Variants in LINGO2 observed in about 807,000 individuals in gnomAD.
The protein encoded by LINGO2 is leucine-rich repeat and immunoglobulin-like domain-containing nogo receptor-interacting protein 2.
In LINGO2, 14 loss-of-function variants were observed where a neutral mutation model predicts 30.6. The ratio of observed to expected loss-of-function variants is 0.46; its 90% confidence interval spans 0.30 to 0.72. LINGO2 has a LOEUF of 0.72. LINGO2 is among the 30% of genes least tolerant of loss of function. The pLI is 0.07. For missense variants in LINGO2, 729 were observed against 751.7 expected, an observed-to-expected ratio of 0.97 and a Z score of 0.35; for synonymous variants, 317 against 288.5, an observed-to-expected ratio of 1.10 and a Z score of -1.00.
intron 4 of LINGO2, among the ~76,000 whole-genome samples, chr9:28,211,946 T>C (rs1415131295): frequency 6.6e-6 from 1 of 151,266 alleles, no homozygotes; most frequent in Admixed American, 6.6e-5. Flanking sequence ...TTTTATCGAT[T>C]ACTTTCAGTG....
intron 3 of LINGO2, among the ~76,000 whole-genome samples, chr9:28,308,569 A>G (rs1388679052): frequency 6.8e-6 from 1 of 146,138 alleles, no homozygotes; most frequent in East Asian, 2.2e-4. Context: ...ACAAAAGCCA[A>G]AATTGACAAA....
chr9:28,370,846 C>T (rs928726919), intron 3 of LINGO2, among the ~76,000 whole-genome samples: 1 of 152,030 alleles, frequency 6.6e-6, no homozygotes, highest in Non-Finnish European at 1.5e-5. Flanking sequence ...CGTATTTAAC[C>T]TCTATAGGCC....
At chr9:29,083,690 A>G in the LINGO2 span, among the ~76,000 whole-genome samples, 9 of 152,104 alleles carry the variant, frequency 5.9e-5, no homozygotes, top group Non-Finnish European at 7.4e-5. Context: ...TGAACTCTGA[A>G]GTTCACACTA....
the LINGO2 span, among the ~76,000 whole-genome samples, chr9:28,951,625 G>C: frequency 6.6e-6 from 1 of 152,040 alleles, no homozygotes; most frequent in Non-Finnish European, 1.5e-5. Flanking sequence ...CCTCTGCTTT[G>C]AGCTTCTGAG....
At chr9:28,697,411 A>C in the LINGO2 span, among the ~76,000 whole-genome samples, 2 of 151,986 alleles carry the variant, frequency 1.3e-5, no homozygotes, top group Admixed American at 6.6e-5. Context: ...AACCGACTAT[A>C]TATTTTTTAA....
intron 2 of LINGO2, among the ~76,000 whole-genome samples, chr9:28,392,168 G>A (rs1014937680): frequency 5.9e-5 from 9 of 152,116 alleles, no homozygotes; most frequent in East Asian, 3.9e-4. Context: ...GTGCCACAGC[G>A]TTCCAGCCTG....
chr9:28,440,659 A>G (rs1462673985), intron 2 of LINGO2, among the ~76,000 whole-genome samples: 1 of 152,234 alleles, frequency 6.6e-6, no homozygotes, highest in Non-Finnish European at 1.5e-5. Context: ...TAACTAAAGG[A>G]ATATAAATAT....
intron 4 of LINGO2, among the ~76,000 whole-genome samples, chr9:28,061,030 G>T (rs545092593): frequency 6.6e-6 from 1 of 151,712 alleles, no homozygotes; most frequent in Non-Finnish European, 1.5e-5. Flanking sequence ...ATCCACAGTC[G>T]CATGCTGTTA....
the LINGO2 span, among the ~76,000 whole-genome samples, chr9:29,166,880 C>T: frequency 6.6e-6 from 1 of 151,978 alleles, no homozygotes; most frequent in Non-Finnish European, 1.5e-5. Context: ...TTCTTATAAT[C>T]ATGAAATGGA....
At chr9:28,141,141 G>C (rs139300676) in intron 4 of LINGO2, among the ~76,000 whole-genome samples, 1 of 152,106 alleles carries the variant, frequency 6.6e-6, no homozygotes, top group Non-Finnish European at 1.5e-5. Context: ...ATTAGAGAAA[G>C]GTTAACTTAT....
chr9:28,711,236 T>G, the LINGO2 span, among the ~76,000 whole-genome samples: 1 of 152,162 alleles, frequency 6.6e-6, no homozygotes, highest in Non-Finnish European at 1.5e-5. Flanking sequence ...ATTCTTAGTT[T>G]AATTGCAATA....
chr9:28,587,111 G>C (rs915919702), intron 1 of LINGO2, among the ~76,000 whole-genome samples: 3 of 151,940 alleles, frequency 2.0e-5, no homozygotes, highest in African/African-American at 7.2e-5. Context: ...TGCACATTGG[G>C]AACTGAAAGT....
chr9:28,365,594 C>T (rs1820633850), intron 3 of LINGO2, among the ~76,000 whole-genome samples: 1 of 151,938 alleles, frequency 6.6e-6, no homozygotes, highest in Non-Finnish European at 1.5e-5. Flanking sequence ...TTAAAGGGAC[C>T]TGGAAAAAAA....
chr9:29,117,387 T>A, the LINGO2 span, among the ~76,000 whole-genome samples: 1 of 152,194 alleles, frequency 6.6e-6, no homozygotes. Context: ...CAATTTTATA[T>A]TATCCACATA....
the LINGO2 span, among the ~76,000 whole-genome samples, chr9:28,932,789 C>A: frequency 6.6e-6 from 1 of 152,194 alleles, no homozygotes; most frequent in African/African-American, 2.4e-5. Flanking sequence ...TCTCAAATTT[C>A]TTAGTTACTC....
chr9:29,079,657 T>C, the LINGO2 span, among the ~76,000 whole-genome samples: 2 of 152,062 alleles, frequency 1.3e-5, no homozygotes, highest in African/African-American at 4.8e-5. Flanking sequence ...TTTATCTTAC[T>C]CTTAAAGAGC....
intron 4 of LINGO2, among the ~76,000 whole-genome samples, chr9:28,267,627 C>A (rs1174926953): frequency 1.3e-5 from 2 of 152,010 alleles, no homozygotes; most frequent in Non-Finnish European, 2.9e-5. Context: ...TTAATCTTCA[C>A]CTGACAAAAT....
At chr9:29,030,687 T>G in the LINGO2 span, among the ~76,000 whole-genome samples, 1 of 152,192 alleles carries the variant, frequency 6.6e-6, no homozygotes, top group Non-Finnish European at 1.5e-5. Context: ...ATGGTAATAT[T>G]GACAGTGTTT....
the LINGO2 span, among the ~76,000 whole-genome samples, chr9:29,074,183 T>C: frequency 3.9e-5 from 6 of 152,290 alleles, no homozygotes; most frequent in South Asian, 1.2e-3. Flanking sequence ...AAACTAGCAG[T>C]CTTAAAACAG....
Sources: gnomAD v4.1 joint callset for allele counts (sites outside exome capture counted in the v4.1 genomes callset) on GRCh38, gnomAD v4.1.1 for gene constraint, MANE v1.5 for transcripts, NCBI Gene and HGNC (gene_info 2026-07-23, HGNC 2026-07-21) for gene names.